The following TAFA2 variants were observed in gnomAD, a reference collection of about 807,000 sequenced individuals.
TAFA2 encodes the protein chemokine-like protein TAFA-2.
Under a neutral mutation model 18.8 loss-of-function variants are expected in TAFA2, and 7 were observed. The observed-to-expected ratio is 0.37, with a 90% CI of 0.21 to 0.70. TAFA2 has a LOEUF of 0.70. TAFA2 is among the 30% of genes least tolerant of loss of function. The pLI is 0.53. For synonymous variants in TAFA2, 60 were observed against 54.2 expected, an observed-to-expected ratio of 1.11 and a Z score of -0.47; for missense variants, 122 against 158.1, an observed-to-expected ratio of 0.77 and a Z score of 1.23.
At chr12:61,806,796 G>T (rs1398486605) in intron 2 of TAFA2, among the ~76,000 whole-genome samples, 2 of 152,196 alleles carry the variant, frequency 1.3e-5, no homozygotes, top group Non-Finnish European at 2.9e-5. Flanking sequence ...GGGACTGGTG[G>T]CATTTTGCCC....
At chr12:61,756,247 A>T (rs1022457194) in intron 2 of TAFA2, among the ~76,000 whole-genome samples, 6 of 152,062 alleles carry the variant, frequency 3.9e-5, no homozygotes, top group Non-Finnish European at 8.8e-5. Context: ...TTTGACATAT[A>T]ATCCTCAATA....
At chr12:61,964,078 G>A (rs1878986792) in intron 1 of TAFA2, among the ~76,000 whole-genome samples, 2 of 151,938 alleles carry the variant, frequency 1.3e-5, no homozygotes, top group African/African-American at 2.4e-5. Flanking sequence ...ATTAACTCAA[G>A]ATGGATTAAA....
intron 2 of TAFA2, among the ~76,000 whole-genome samples, chr12:61,814,069 G>A (rs1871980666): frequency 6.6e-6 from 1 of 151,390 alleles, no homozygotes; most frequent in African/African-American, 2.5e-5. Flanking sequence ...ACAATAAGCA[G>A]AATCATTGCA....
At chr12:62,161,889 A>G (rs1368164549) in intron 1 of TAFA2, among the ~76,000 whole-genome samples, 1 of 152,156 alleles carries the variant, frequency 6.6e-6, no homozygotes, top group East Asian at 1.9e-4. Context: ...TGATGTTTTT[A>G]TGACCAGAAA....
At chr12:61,818,211 T>C (rs1872166802) in intron 2 of TAFA2, among the ~76,000 whole-genome samples, 1 of 152,204 alleles carries the variant, frequency 6.6e-6, no homozygotes, top group Non-Finnish European at 1.5e-5. Flanking sequence ...CTGTTCTATA[T>C]TGTCACGTCT....
At chr12:61,922,141 A>T (rs188242382) in intron 1 of TAFA2, among the ~76,000 whole-genome samples, 35 of 152,346 alleles carry the variant, frequency 2.3e-4, no homozygotes, top group African/African-American at 8.4e-4. Context: ...ATAATGGAGC[A>T]GTTGGAAGGA....
chr12:61,955,621 AAAAAAAAAAAAATATATATATATATATAT>A (rs1165739689), intron 1 of TAFA2, among the ~76,000 whole-genome samples: 7 of 29,552 alleles, frequency 2.4e-4, no homozygotes, highest in East Asian at 7.2e-4. Context: ...AAAAAAAAAA[AAAAAAAAAAAAATATATATATATATATAT>A]ATATATATAT....
intron 2 of TAFA2, among the ~76,000 whole-genome samples, chr12:61,859,712 G>A (rs1264416232): frequency 2.0e-5 from 3 of 152,114 alleles, no homozygotes; most frequent in Non-Finnish European, 4.4e-5. Context: ...AAAGTGCTGG[G>A]ATTACAGGCA....
Position 61,846,318 on chromosome 12 carries a change from G to T in TAFA2, c.106+21002C>A, listed in dbSNP as rs58594284. ...TATTCCTCAGCACACCTTCTTCAAG[G>T]TATTAAGATGTTGGGCTCTTTCTTT... On this transcript the variant is annotated intron_variant, in intron 2 of 4. Coordinates refer to ENST00000416284, the MANE Select transcript of TAFA2 (RefSeq NM_178539.5). Among the ~76,000 whole-genome samples, 48 of 152,220 alleles carry T rather than the reference G, an allele frequency of 3.2e-4. No individual in the cohort carries two copies. In the East Asian group the frequency reaches 9.1e-3, roughly 29 times the overall value.
intron 1 of TAFA2, among the ~76,000 whole-genome samples, chr12:62,060,009 C>T (rs1207590519): frequency 6.6e-6 from 1 of 152,170 alleles, no homozygotes; most frequent in Non-Finnish European, 1.5e-5. Flanking sequence ...AATATTACCA[C>T]AAACTTAGTA....
chr12:61,973,881 G>GT (rs1433331568), intron 1 of TAFA2, among the ~76,000 whole-genome samples: 1 of 151,644 alleles, frequency 6.6e-6, no homozygotes, highest in Non-Finnish European at 1.5e-5. Flanking sequence ...ATGCAGCCAA[G>GT]TTTGAGAACC....
intron 4 of TAFA2, among the ~76,000 whole-genome samples, chr12:61,752,911 C>T (rs1312538052): frequency 2.6e-5 from 4 of 151,862 alleles, no homozygotes; most frequent in South Asian, 4.2e-4. Context: ...AAAACAAAAC[C>T]TTCCTTTGCT....
intron 1 of TAFA2, among the ~76,000 whole-genome samples, chr12:62,075,901 C>T (rs1868247160): frequency 6.6e-6 from 1 of 152,028 alleles, no homozygotes; most frequent in Admixed American, 6.6e-5. Flanking sequence ...GTTTATAAAC[C>T]TTTTCCAAAA....
chr12:62,014,047 A>T (rs1344910250), intron 1 of TAFA2, among the ~76,000 whole-genome samples: 1 of 152,244 alleles, frequency 6.6e-6, no homozygotes, highest in East Asian at 1.9e-4. Flanking sequence ...TATCTTAGTG[A>T]ACTACTGTGG....
intron 3 of TAFA2, among the ~76,000 whole-genome samples, chr12:61,754,219 G>C (rs1869154724): frequency 6.6e-6 from 1 of 151,504 alleles, no homozygotes; most frequent in Non-Finnish European, 1.5e-5. Flanking sequence ...TTATCAGGAG[G>C]GTGTTTATCA....
intron 1 of TAFA2, among the ~76,000 whole-genome samples, chr12:61,930,386 C>A (rs1298392002): frequency 6.6e-6 from 1 of 152,124 alleles, no homozygotes; most frequent in Admixed American, 6.5e-5. Context: ...TGCTAAGAAA[C>A]CACTTCAATA....
At chr12:61,927,515 C>A (rs1356123492) in intron 1 of TAFA2, among the ~76,000 whole-genome samples, 1 of 152,084 alleles carries the variant, frequency 6.6e-6, no homozygotes. Context: ...TAAGAGAAGA[C>A]ACAAACAAAT....
At chr12:62,158,049 A>G (rs992360264) in intron 1 of TAFA2, among the ~76,000 whole-genome samples, 3 of 152,212 alleles carry the variant, frequency 2.0e-5, no homozygotes, top group African/African-American at 7.2e-5. Flanking sequence ...TCTGATAGTC[A>G]TAGGTTAAAT....
intron 1 of TAFA2, among the ~76,000 whole-genome samples, chr12:61,923,301 C>A (rs538596757): frequency 6.6e-6 from 1 of 152,292 alleles, no homozygotes; most frequent in South Asian, 2.1e-4. Context: ...CTGGGAGACA[C>A]CTCCCAGCAG....
Sources: gnomAD v4.1 joint callset for allele counts (sites outside exome capture counted in the v4.1 genomes callset) on GRCh38, gnomAD v4.1.1 for gene constraint, MANE v1.5 for transcripts, NCBI Gene and HGNC (gene_info 2026-07-23, HGNC 2026-07-21) for gene names.